Variants in COP1 observed in about 807,000 individuals in gnomAD.
The protein encoded by COP1 is E3 ubiquitin-protein ligase COP1.
In COP1, 24 loss-of-function variants were observed where a neutral mutation model predicts 101.3. The observed-to-expected ratio is 0.24, with a 90% CI of 0.17 to 0.33. The LOEUF (loss-of-function observed/expected upper bound fraction) is 0.33, where lower values mean the gene tolerates loss of function less well. COP1 is among the 10% of genes least tolerant of loss of function. The probability of loss-of-function intolerance (pLI) is 1.00; values close to 1 mark genes in which losing one functional copy is unlikely to be tolerated. For missense variants in COP1, 663 were observed against 906.2 expected (o/e 0.73, Z 3.45); for synonymous variants, 347 against 341.9 (o/e 1.01, Z -0.17).
chr1:176,173,986 C>CG (rs1696536597), intron 3 of COP1, among the ~76,000 whole-genome samples: 1 of 49,062 alleles, frequency 2.0e-5, no homozygotes, highest in South Asian at 8.5e-4. Flanking sequence ...GATGCTGTCT[C>CG]AAAAAAAAAA....
intron 8 of COP1, among the ~76,000 whole-genome samples, chr1:176,118,098 T>C (rs752070641): frequency 4.3e-4 from 66 of 152,306 alleles, no homozygotes; most frequent in Admixed American, 9.2e-4. Flanking sequence ...ATTTTACCCA[T>C]AGAAGTGAAT....
At chr1:176,002,410 T>A (rs1044001945) in intron 15 of COP1, among the ~76,000 whole-genome samples, 2 of 152,102 alleles carry the variant, frequency 1.3e-5, no homozygotes, top group African/African-American at 2.4e-5. Flanking sequence ...ATAGTGCAGG[T>A]TAGTTACATA....
intron 15 of COP1, among the ~76,000 whole-genome samples, chr1:175,998,027 C>A (rs1037163733): frequency 1.6e-5 from 2 of 124,710 alleles, no homozygotes; most frequent in Non-Finnish European, 3.2e-5. Context: ...CTAACCTGCA[C>A]AATGTGCACA....
chr1:176,053,293 G>C (rs913771375), intron 11 of COP1, among the ~76,000 whole-genome samples: 1 of 152,056 alleles, frequency 6.6e-6, no homozygotes, highest in Non-Finnish European at 1.5e-5. Context: ...AATTCAGTGT[G>C]CTTACTATAC....
intron 15 of COP1, among the ~76,000 whole-genome samples, chr1:176,020,383 T>G (rs1666559059): frequency 6.7e-6 from 1 of 149,880 alleles, no homozygotes; most frequent in African/African-American, 2.5e-5. Flanking sequence ...TAGATATTAG[T>G]GGCTAAAAAA....
At chr1:176,103,406 T>C (rs140718222) in intron 9 of COP1, among the ~76,000 whole-genome samples, 59 of 152,218 alleles carry the variant, frequency 3.9e-4, no homozygotes, top group Middle Eastern at 3.4e-3. Flanking sequence ...AACAATAAGA[T>C]TGAATGAGTT....
chr1:176,166,306 T>C (rs1418571326), intron 3 of COP1, among the ~76,000 whole-genome samples: 1 of 152,058 alleles, frequency 6.6e-6, no homozygotes. Context: ...TTTGAATCTT[T>C]TATAGAGACA....
At chr1:175,985,064 C>T (rs567714494) in intron 18 of COP1, among the ~76,000 whole-genome samples, 1 of 152,148 alleles carries the variant, frequency 6.6e-6, no homozygotes, top group Non-Finnish European at 1.5e-5. Flanking sequence ...GCTGGGAAGG[C>T]ATGATCAGTT....
intron 18 of COP1, among the ~76,000 whole-genome samples, chr1:175,962,068 T>C (rs1651441994): frequency 6.6e-6 from 1 of 152,090 alleles, no homozygotes; most frequent in African/African-American, 2.4e-5. Flanking sequence ...ATTTTATTTA[T>C]GGATAACAAA....
intron 18 of COP1, among the ~76,000 whole-genome samples, chr1:175,976,267 A>ATTTTTTTTT (rs1225101059): frequency 1.7e-3 from 72 of 41,662 alleles, no homozygotes; most frequent in Non-Finnish European, 3.3e-3. Context: ...TCAATTAGTC[A>ATTTTTTTTT]TTCTTTTTTT....
chr1:176,019,080 C>T (rs1215501936), intron 15 of COP1, among the ~76,000 whole-genome samples: 1 of 152,038 alleles, frequency 6.6e-6, no homozygotes, highest in Non-Finnish European at 1.5e-5. Flanking sequence ...GCACGAGAAT[C>T]GCTTGAACCT....
At chr1:175,963,614 G>A (rs1226900822) in intron 18 of COP1, among the ~76,000 whole-genome samples, 10 of 152,130 alleles carry the variant, frequency 6.6e-5, no homozygotes, top group Admixed American at 6.6e-4. Context: ...TTAGTATACT[G>A]CCTGGTTGGT....
chr1:176,087,798 A>C (rs1193535344), intron 9 of COP1, among the ~76,000 whole-genome samples: 5 of 152,224 alleles, frequency 3.3e-5, no homozygotes, highest in Non-Finnish European at 7.3e-5. Flanking sequence ...ACAAAGACAC[A>C]TGCACATGTA....
At chr1:176,135,333 T>A (rs747006930) in intron 7 of COP1, among the ~76,000 whole-genome samples, 3 of 152,000 alleles carry the variant, frequency 2.0e-5, no homozygotes, top group African/African-American at 4.8e-5. Context: ...ATATTGTTCA[T>A]CATTAATGAA....
Position 176,149,051 on chromosome 1 carries a change from C to G in COP1, c.786G>C (p.Gln262His), listed in dbSNP as rs139373171. 1.2e-4 allele frequency: 184 copies of G among 1,588,606 alleles called. No individual in the cohort carries two copies. The African/African-American group carries it at 2.4e-3, about 21-fold the overall frequency. Residue 262 changes from glutamine to histidine, a missense_variant, in exon 6 of 20, where the codon CAG becomes CAC. Transcript: ENST00000367669. The stretch of plus-strand genomic sequence containing the variant: ...CAACCTTGAGGAATTCCATAAGAAT[C>G]TGTAGTTGGGCTGCATGTGATTCCT... ...LEAESHAAQL[Q>H]ILMEFLKVAR...
intron 14 of COP1, among the ~76,000 whole-genome samples, chr1:176,042,153 C>A (rs1266304436): frequency 6.6e-6 from 1 of 151,446 alleles, no homozygotes; most frequent in East Asian, 2.0e-4. Context: ...CACCTATAAT[C>A]CCAGCTAAAT....
At position 176,171,803 on chromosome 1, in the gene COP1, C is replaced by T. The variant is rs1041101021; in HGVS notation, c.565+4107G>A. 5.3e-5 allele frequency among the ~76,000 whole-genome samples: 8 copies of T among 151,990 alleles called. No individual in the cohort carries two copies. The South Asian group carries it at 1.0e-3, about 20-fold the overall frequency. On this transcript the variant is annotated intron_variant, in intron 3 of 19. Transcript: ENST00000367669. Reference sequence around the variant, plus strand: ...GGCAGATTAGTCAGAATTTCAAGCACGGAAATAGATTATAAGGATAAAACT... The same window carrying T: ...GGCAGATTAGTCAGAATTTCAAGCATGGAAATAGATTATAAGGATAAAACT...
intron 15 of COP1, among the ~76,000 whole-genome samples, chr1:176,004,607 A>G (rs1258624220): frequency 6.6e-6 from 1 of 152,118 alleles, no homozygotes. Context: ...CTATTGAGAT[A>G]ATCATGTGGT....
Position 176,180,979 on chromosome 1 carries a change from G to A in COP1, c.467+3654C>T, listed in dbSNP as rs140866420. ...TGTAATGAAGCGAAATAGTAAATCAGGGCTTGGTAGACATACGGTACAGGG... is the reference window on the plus strand; with the variant it reads ...TGTAATGAAGCGAAATAGTAAATCAAGGCTTGGTAGACATACGGTACAGGG... On this transcript the variant is annotated intron_variant, in intron 2 of 19. Coordinates refer to ENST00000367669, the MANE Select transcript of COP1 (RefSeq NM_022457.7). Among the ~76,000 whole-genome samples, 658 of 152,298 alleles carry A rather than the reference G, an allele frequency of 4.3e-3. 8 individuals are homozygous for A. The highest frequency in any genetic ancestry group is 0.015 in the African/African-American group (619 of 41,562).
Sources: allele counts gnomAD v4.1 joint callset (sites outside exome capture counted in the v4.1 genomes callset), GRCh38; gene constraint gnomAD v4.1.1; transcripts MANE v1.5; gene names NCBI Gene and HGNC (gene_info 2026-07-23, HGNC 2026-07-21).